SHROOM4: variants seen among roughly 807,000 people sequenced by gnomAD.
The protein encoded by SHROOM4 is protein Shroom4.
Under a neutral mutation model 80.3 loss-of-function variants are expected in SHROOM4, and 17 were observed. The ratio of observed to expected loss-of-function variants is 0.21; its 90% confidence interval spans 0.14 to 0.32. SHROOM4 has a LOEUF of 0.32. SHROOM4 is among the 10% of genes least tolerant of loss of function. SHROOM4 has a pLI of 1.00. For missense variants in SHROOM4, 993 were observed against 1,140.3 expected (o/e 0.87, Z 1.86); for synonymous variants, 400 against 437.5 (o/e 0.91, Z 1.07).
At chrX:50,719,888 T>A (rs781901090) in intron 1 of SHROOM4, among the ~76,000 whole-genome samples, 1 of 112,415 alleles carries the variant, frequency 8.9e-6, no homozygotes, top group Non-Finnish European at 1.9e-5. Flanking sequence ...CCAGTAGGAA[T>A]TGAAGCAAGG....
At chrX:50,598,928 C>A (rs782200983) in intron 7 of SHROOM4, among the ~76,000 whole-genome samples, 1 of 110,943 alleles carries the variant, frequency 9.0e-6, no homozygotes, top group Admixed American at 9.5e-5. Context: ...CAGGTTCAAG[C>A]GAGTCTTGCG....
intron 1 of SHROOM4, among the ~76,000 whole-genome samples, chrX:50,743,829 CT>C (rs1471385910): frequency 8.9e-6 from 1 of 112,052 alleles, no homozygotes; most frequent in African/African-American, 3.2e-5. Context: ...CTTTGTTTAT[CT>C]GGAAACATCT....
At chrX:50,754,849 G>T (rs1335853568) in intron 1 of SHROOM4, among the ~76,000 whole-genome samples, 2 of 112,035 alleles carry the variant, frequency 1.8e-5, no homozygotes, top group Non-Finnish European at 3.8e-5. Context: ...TACCAGTTTT[G>T]TCCCAGGAGG....
chrX:50,576,433 T>C, the SHROOM4 span, among the ~76,000 whole-genome samples: 10 of 112,009 alleles, frequency 8.9e-5, no homozygotes, highest in African/African-American at 2.6e-4. Flanking sequence ...CATCTTCCTC[T>C]TTCCACCATT....
chrX:50,653,475 T>C (rs1932191662), intron 2 of SHROOM4, among the ~76,000 whole-genome samples: 1 of 111,945 alleles, frequency 8.9e-6, no homozygotes, highest in Admixed American at 9.5e-5. Context: ...GCTGAGATGA[T>C]TGGGTTTTCT....
intron 1 of SHROOM4, among the ~76,000 whole-genome samples, chrX:50,724,084 GATCCCATTAAAACCTA>G (rs1557265708): frequency 9.1e-6 from 1 of 109,735 alleles, no homozygotes; most frequent in Admixed American, 9.9e-5. Flanking sequence ...CACCCCTTAC[GATCCCATTAAAACCTA>G]ATCACCCTTA....
In SHROOM4 at chrX:50,625,666, A is replaced by G. The variant is rs782192561; in HGVS notation, c.2957+1948T>C. On this transcript the variant is annotated intron_variant, in intron 5 of 8. Transcript: ENST00000376020. The stretch of plus-strand genomic sequence containing the variant: ...TTTCTATCGCACCTCTACCTCCCCA[A>G]TCCAGGGCCACATTCTGTCATGGCC... 1.1e-4 allele frequency among the ~76,000 whole-genome samples: 12 copies of G among 111,232 alleles called. No individual in the cohort carries two copies. In the South Asian group the frequency reaches 2.7e-3, roughly 25 times the overall value.
chrX:50,689,366 A>G (rs1557262501), intron 2 of SHROOM4, among the ~76,000 whole-genome samples: 1 of 111,960 alleles, frequency 8.9e-6, no homozygotes, highest in East Asian at 2.8e-4. Context: ...GAAGTTGTCT[A>G]TGGAGAGCAT....
chrX:50,602,541 G>T, intron 7 of SHROOM4, 92 bp downstream of exon 7: 3 of 913,645 alleles, frequency 3.3e-6, no homozygotes, highest in South Asian at 4.0e-5. Flanking sequence ...ATGGGAATGC[G>T]AGATGTTCTA....
rs782515722 is a variant in SHROOM4, at chrX:50,680,495, CCT to C, written c.269+15289_269+15290del. ...TTTTGTCACATTTGCTTTTTCACTC[CCT>C]CTCTCTCTAGACATATAAATTAATA... On this transcript the variant is annotated intron_variant, in intron 2 of 8. Transcript: ENST00000376020. 3.6e-3 allele frequency among the ~76,000 whole-genome samples: 404 copies of C among 110,921 alleles called. 2 individuals are homozygous for C. Among genetic ancestry groups the C allele is most frequent in the African/African-American group, 0.012 (374 of 30,576 alleles).
At chrX:50,775,599 G>A (rs1396007645) in intron 1 of SHROOM4, among the ~76,000 whole-genome samples, 1 of 112,080 alleles carries the variant, frequency 8.9e-6, no homozygotes, top group African/African-American at 3.2e-5. Flanking sequence ...GGCAAGCAAA[G>A]AGAAAGAAAT....
chrX:50,655,820 T>C (rs1557259409), intron 2 of SHROOM4, among the ~76,000 whole-genome samples: 6 of 110,340 alleles, frequency 5.4e-5, no homozygotes, highest in Admixed American at 9.8e-5. Flanking sequence ...GTTCTATTTT[T>C]AGTTTTTTGA....
At chrX:50,651,907 T>G (rs1602406211) in intron 2 of SHROOM4, among the ~76,000 whole-genome samples, 1 of 111,770 alleles carries the variant, frequency 8.9e-6, no homozygotes, top group Admixed American at 9.5e-5. Flanking sequence ...GCAAAGGACA[T>G]GAACTCATCC....
At chrX:50,691,756 C>A (rs999173922) in intron 2 of SHROOM4, among the ~76,000 whole-genome samples, 2 of 111,827 alleles carry the variant, frequency 1.8e-5, no homozygotes, top group Non-Finnish European at 3.8e-5. Flanking sequence ...CAAAGTCTTT[C>A]TACCTGTATA....
chrX:50,726,278 A>T (rs782480733), intron 1 of SHROOM4, among the ~76,000 whole-genome samples: 44 of 112,524 alleles, frequency 3.9e-4, no homozygotes, highest in African/African-American at 1.4e-3. Flanking sequence ...ACTTATGTTT[A>T]AAAGGGAAGT....
rs1557255133 is a variant in SHROOM4 at position 50,634,339 on chromosome X, C to T, written c.1734G>A (p.Ser578=). 2.5e-6 allele frequency: 3 copies of T among 1,210,887 alleles called. No homozygotes were observed. The highest frequency in any genetic ancestry group is 2.2e-5 in the Admixed American group (1 of 45,931). ...GCTCACTCTTCCGCCGGTTTTGGAT[C>T]GAGCGGCCCCGGGTCCCTCCACTTC... ...GRRSGGTRGR[S]IQNRRKSERF... Residue 578 remains serine (S), a synonymous_variant, in exon 4 of 9, where the codon TCG becomes TCA. Coordinates refer to ENST00000376020, the MANE Select transcript of SHROOM4 (RefSeq NM_020717.5).
At chrX:50,774,811 G>A (rs1557269988) in intron 1 of SHROOM4, among the ~76,000 whole-genome samples, 1 of 111,482 alleles carries the variant, frequency 9.0e-6, no homozygotes, top group African/African-American at 3.3e-5. Flanking sequence ...ATAGGTTTCA[G>A]AACCTTAATC....
intron 1 of SHROOM4, among the ~76,000 whole-genome samples, chrX:50,792,265 G>A (rs1027907059): frequency 6.2e-5 from 7 of 112,038 alleles, no homozygotes; most frequent in Admixed American, 4.7e-4. Context: ...TTGGGAGGCC[G>A]AGGCTGGTGG....
At chrX:50,773,454 A>G (rs1001313641) in intron 1 of SHROOM4, among the ~76,000 whole-genome samples, 43 of 112,425 alleles carry the variant, frequency 3.8e-4, no homozygotes, top group African/African-American at 1.4e-3. Flanking sequence ...TCTCTAGTTC[A>G]GCTCACAGGT....
Sources: gnomAD v4.1 joint callset for allele counts (sites outside exome capture counted in the v4.1 genomes callset) on GRCh38, gnomAD v4.1.1 for gene constraint, MANE v1.5 for transcripts, NCBI Gene and HGNC (gene_info 2026-07-23, HGNC 2026-07-21) for gene names.